The following PRTG variants were observed in gnomAD, a reference collection of about 807,000 sequenced individuals.
PRTG encodes the protein protogenin.
In PRTG, 67 loss-of-function variants were observed where a neutral mutation model predicts 122.5. That is an observed-to-expected ratio of 0.55 (90% CI 0.45 to 0.67). The LOEUF (loss-of-function observed/expected upper bound fraction) is 0.67, where lower values mean the gene tolerates loss of function less well. Among genes scored for constraint, PRTG ranks in the 30% least tolerant of loss-of-function variants. PRTG has a pLI of 0.00. For missense variants in PRTG, 1,435 were observed against 1,415.4 expected, an observed-to-expected ratio of 1.01 and a Z score of -0.22; for synonymous variants, 554 against 501.1, an observed-to-expected ratio of 1.11 and a Z score of -1.41.
chr15:55,642,399 C>T (rs2059296924), intron 11 of PRTG, among the ~76,000 whole-genome samples: 1 of 151,576 alleles, frequency 6.6e-6, no homozygotes, highest in Non-Finnish European at 1.5e-5. Flanking sequence ...GGTGGGTCAC[C>T]CGAGGTCGGG....
At chr15:55,639,884 GTGGTAAAA>G in intron 12 of PRTG, 56 bp from the exon 13 acceptor site, 1 of 1,584,336 alleles carries the variant, frequency 6.3e-7, no homozygotes, top group Non-Finnish European at 8.6e-7. Context: ...AACATAGAAA[GTGGTAAAA>G]TGGTAAAATA....
intron 2 of PRTG, among the ~76,000 whole-genome samples, chr15:55,716,862 C>T (rs999092047): frequency 6.6e-6 from 1 of 151,562 alleles, no homozygotes; most frequent in African/African-American, 2.4e-5. Flanking sequence ...TATATGTACA[C>T]GTGTACATAT....
intron 15 of PRTG, among the ~76,000 whole-genome samples, chr15:55,629,379 G>A (rs934237042): frequency 0.011 from 231 of 20,366 alleles, no homozygotes; most frequent in African/African-American, 0.019. Flanking sequence ...ATATATATGT[G>A]TGTGTGTGTG....
intron 15 of PRTG, among the ~76,000 whole-genome samples, chr15:55,632,359 C>A (rs2059232385): frequency 6.6e-6 from 1 of 152,190 alleles, no homozygotes. Context: ...CATCAACTCT[C>A]ACATGGACAC....
chr15:55,724,490 T>C (rs2030952523), intron 2 of PRTG, among the ~76,000 whole-genome samples: 1 of 152,058 alleles, frequency 6.6e-6, no homozygotes, highest in Admixed American at 6.6e-5. Flanking sequence ...ATAGCTCACA[T>C]GTGTAACCCC....
chr15:55,653,109 C>T (rs1363424454), intron 11 of PRTG, among the ~76,000 whole-genome samples: 1 of 152,090 alleles, frequency 6.6e-6, no homozygotes, highest in African/African-American at 2.4e-5. Flanking sequence ...TTAATGATGA[C>T]TATGTCAAAA....
rs1480264107 is a variant in PRTG, at chr15:55,612,763, G to A, written c.*7249C>T. 7.3e-6 allele frequency: 1 copy of A among 136,250 alleles called. No individual in the cohort carries two copies. Among genetic ancestry groups the A allele is most frequent in the Non-Finnish European group, 1.5e-5 (1 of 66,182 alleles). The allele number at this position is 136,250 out of a possible 1,614,324, so 8.4% of individuals were successfully genotyped here. On this transcript the variant is annotated 3_prime_UTR_variant, in exon 20 of 20. Coordinates refer to ENST00000389286, the MANE Select transcript of PRTG (RefSeq NM_173814.6). ...ATATATATATATGACTTAAATTGGA[G>A]TAAGATGACTTCAAATTTAGTACTT...
intron 11 of PRTG, among the ~76,000 whole-genome samples, chr15:55,661,046 C>A (rs539127810): frequency 1.3e-5 from 2 of 152,216 alleles, no homozygotes; most frequent in South Asian, 2.1e-4. Context: ...TAATTTAACA[C>A]ATAAAGTGAT....
chr15:55,648,669 T>C (rs148054111), intron 11 of PRTG, among the ~76,000 whole-genome samples: 11 of 152,240 alleles, frequency 7.2e-5, no homozygotes, highest in African/African-American at 2.6e-4. Context: ...AATGAACAAA[T>C]CAAAACAGTT....
At chr15:55,733,827 A>G (rs1025992970) in intron 2 of PRTG, among the ~76,000 whole-genome samples, 15 of 152,184 alleles carry the variant, frequency 9.9e-5, no homozygotes, top group African/African-American at 3.6e-4. Context: ...ACTCTGACTC[A>G]ACAACAAAAA....
In PRTG at chr15:55,639,803, A is replaced by T. The variant is rs2059279484; in HGVS notation, c.2163T>A (p.Pro721=). The part of the protein sequence containing the change: ...CVSVRDRMVP[P]PPPPHHLYAK... ...CATAGAGATGGTGGGGTGGTGGTGGAGGAGGGACCATGCGATCACGAACAG... is the reference window on the plus strand; with the variant it reads ...CATAGAGATGGTGGGGTGGTGGTGGTGGAGGGACCATGCGATCACGAACAG... The change falls in exon 13 of 20, where the codon CCT becomes CCA. Residue 721 remains proline, a synonymous_variant. Coordinates refer to ENST00000389286, the MANE Select transcript of PRTG (RefSeq NM_173814.6). 1.2e-6 allele frequency: 2 copies of T among 1,614,018 alleles called. No homozygotes were observed. Among genetic ancestry groups the T allele is most frequent in the African/African-American group, 2.7e-5 (2 of 74,932 alleles).
At position 55,708,170 on chromosome 15, in the gene PRTG, A is replaced by AAAC. The variant is rs2030221756; in HGVS notation, c.398-24240_398-24239insGTT. On this transcript the variant is annotated intron_variant, in intron 2 of 19. Coordinates refer to ENST00000389286, the MANE Select transcript of PRTG (RefSeq NM_173814.6). ...TGGTAAAAAAAAAAAAAAAAAAAAA[A>AAAC]AAAAAAACAGAGGCAGAAGAGTTAG... is the stretch of plus-strand genomic sequence containing the variant. Among the ~76,000 whole-genome samples the AAAC allele has an allele frequency of 2.0e-5, 3 of 150,004 alleles. No individual in the cohort carries two copies. The South Asian group carries it at 6.4e-4, about 32-fold the overall frequency.
At position 55,616,419 on chromosome 15, in the gene PRTG, A is replaced by T. The variant is rs149458778; in HGVS notation, c.*3593T>A. 82 of 152,266 alleles carry T rather than the reference A, an allele frequency of 5.4e-4. No individual in the cohort carries two copies. Among genetic ancestry groups the T allele is most frequent in the African/African-American group, 1.9e-3 (80 of 41,576 alleles). The allele number at this position is 152,266 out of a possible 1,614,324, so 9.4% of individuals were successfully genotyped here. A position where few individuals can be genotyped will look rare whatever the true frequency, so the allele number is the denominator to read the frequency against. ...TCTGAGCTAACCAGGTAATGCTTAA[A>T]GCAGGAAGAGAACTATACAGGCTAA... On this transcript the variant is annotated 3_prime_UTR_variant, in exon 20 of 20. Transcript: ENST00000389286.
chr15:55,742,916 G>A lies in PRTG; in HGVS notation c.16C>T (p.Arg6Ter), dbSNP rs1237179230. Residue 6 changes from arginine (R) to a stop codon, truncating the protein, a stop_gained, in exon 1 of 20, where the codon CGA (arginine) becomes TGA (stop). Coordinates refer to ENST00000389286, the MANE Select transcript of PRTG (RefSeq NM_173814.6). LOFTEE classifies it high-confidence loss of function. MAPPL[R>*]PLARLRPPGM... ...GGCGGTCGCAGCCGGGCGAGGGGTC[G>A]CAGAGGAGGCGCCATTCAGCGTAGC... 4 of 1,525,640 alleles carry A rather than the reference G, an allele frequency of 2.6e-6. No individual in the cohort carries two copies. The highest frequency in any genetic ancestry group is 3.5e-6 in the Non-Finnish European group (4 of 1,135,960). The allele number at this position is 1,525,640 out of a possible 1,614,324, so 94.5% of individuals were successfully genotyped here. A position where few individuals can be genotyped will look rare whatever the true frequency, so the allele number is the denominator to read the frequency against.
intron 2 of PRTG, among the ~76,000 whole-genome samples, chr15:55,711,409 G>GA (rs2030382582): frequency 6.6e-6 from 1 of 152,220 alleles, no homozygotes; most frequent in Admixed American, 6.5e-5. Context: ...GAGATCATTG[G>GA]AAAACCAATG....
intron 3 of PRTG, among the ~76,000 whole-genome samples, chr15:55,683,185 C>CT (rs542897986): frequency 0.02 from 2,987 of 146,300 alleles, 92 homozygotes; most frequent in African/African-American, 0.064. Flanking sequence ...TGTAGATATG[C>CT]TTTTTTTTTT....
At chr15:55,680,455 G>C in intron 5 of PRTG, 36 bp downstream of exon 5, 1 of 1,521,246 alleles carries the variant, frequency 6.6e-7, no homozygotes, top group Non-Finnish European at 8.8e-7. Flanking sequence ...AAAATTTAAG[G>C]AAAAGACTTT....
At chr15:55,720,197 G>C (rs1436150366) in intron 2 of PRTG, among the ~76,000 whole-genome samples, 1 of 152,110 alleles carries the variant, frequency 6.6e-6, no homozygotes, top group Admixed American at 6.6e-5. Flanking sequence ...AGGCCAACAT[G>C]GTGAAACCTC....
At chr15:55,711,079 G>GTTT (rs1227151300) in intron 2 of PRTG, among the ~76,000 whole-genome samples, 2 of 121,526 alleles carry the variant, frequency 1.6e-5, no homozygotes, top group Middle Eastern at 4.3e-3. Flanking sequence ...GCTAATTTTT[G>GTTT]TATTTTTTTT....
Sources: gnomAD v4.1 joint callset for allele counts (sites outside exome capture counted in the v4.1 genomes callset) on GRCh38, gnomAD v4.1.1 for gene constraint, MANE v1.5 for transcripts, NCBI Gene and HGNC (gene_info 2026-07-23, HGNC 2026-07-21) for gene names.